The following TEX9 variants were observed in gnomAD, a reference collection of about 807,000 sequenced individuals.
The protein encoded by TEX9 is testis expressed 9.
A neutral mutation model predicts 59.6 loss-of-function variants in TEX9; 74 were observed. The ratio of observed to expected loss-of-function variants is 1.24; its 90% CI spans 1.03 to 1.51. The LOEUF is 1.51. TEX9 is among the 40% of genes most tolerant of loss of function. The pLI, the probability that TEX9 is intolerant of heterozygous loss-of-function variation, is 0.00. For synonymous variants in TEX9, 186 were observed against 152.2 expected (o/e 1.22, Z -1.64); for missense variants, 522 against 447.8 (o/e 1.17, Z -1.49).
At chr15:56,436,831 G>A (rs113709429) in intron 12 of TEX9, among the ~76,000 whole-genome samples, 4 of 152,190 alleles carry the variant, frequency 2.6e-5, no homozygotes, top group East Asian at 1.9e-4. Flanking sequence ...ACACCTCTAC[G>A]CAAATAAACT....
chr15:56,264,168 A>G (rs1367544579), intron 1 of TEX9, among the ~76,000 whole-genome samples: 1 of 152,224 alleles, frequency 6.6e-6, no homozygotes, highest in Non-Finnish European at 1.5e-5. Context: ...CATTTCCAAA[A>G]TAGTCGCACC....
At position 56,365,608 on chromosome 15, in the gene TEX9, G is replaced by A. The variant is rs763030556; in HGVS notation, c.57G>A (p.Pro19=). The A allele has an allele frequency of 6.8e-6, 11 of 1,614,060 alleles. No homozygotes were observed. In the African/African-American group the frequency reaches 1.2e-4, roughly 18 times the overall value. ...GCAGCGTTCCAGGGACTCCGTTCCC[G>A]CCACCCGTTCAGCAACCCTCTACAC... The change falls in exon 2 of 13, where the codon CCG becomes CCA. Residue 19 remains proline, a synonymous_variant. Transcript: ENST00000352903.
intron 1 of TEX9, among the ~76,000 whole-genome samples, chr15:56,273,704 A>G (rs1359639325): frequency 6.6e-6 from 1 of 152,256 alleles, no homozygotes; most frequent in Non-Finnish European, 1.5e-5. Context: ...GTTCTGCAAC[A>G]TATAAAATTC....
At chr15:56,316,926 G>A (rs866441789) in intron 1 of TEX9, among the ~76,000 whole-genome samples, 149 of 152,256 alleles carry the variant, frequency 9.8e-4, no homozygotes, top group Middle Eastern at 6.8e-3. Flanking sequence ...GGTGCCGTCC[G>A]TCACCCCTTT....
chr15:56,280,466 C>T (rs1318976934), intron 1 of TEX9, among the ~76,000 whole-genome samples: 2 of 152,068 alleles, frequency 1.3e-5, no homozygotes, highest in African/African-American at 2.4e-5. Flanking sequence ...TACCCGAAGG[C>T]AAAGATTGGA....
intron 12 of TEX9, chr15:56,429,548 G>A (rs1241759948): frequency 3.8e-5 from 6 of 158,158 alleles, no homozygotes; most frequent in South Asian, 1.9e-4. Context: ...TGATATAATG[G>A]TGAGCTTCAG....
intron 12 of TEX9, among the ~76,000 whole-genome samples, chr15:56,443,177 A>T (rs1360085810): frequency 1.3e-5 from 2 of 152,150 alleles, no homozygotes; most frequent in African/African-American, 4.8e-5. Flanking sequence ...CTTTTAAAGT[A>T]TGTATCTTCA....
At chr15:56,392,374 C>T (rs1340357180) in intron 7 of TEX9, among the ~76,000 whole-genome samples, 7 of 151,970 alleles carry the variant, frequency 4.6e-5, no homozygotes, top group African/African-American at 7.2e-5. Flanking sequence ...GGTGGGATCA[C>T]GAACAAGAGA....
intron 1 of TEX9, among the ~76,000 whole-genome samples, chr15:56,272,099 G>A (rs1432699354): frequency 2.6e-5 from 4 of 151,764 alleles, no homozygotes; most frequent in East Asian, 1.9e-4. Context: ...AGCTGAGATC[G>A]CGCCACTGCA....
intron 2 of TEX9, among the ~76,000 whole-genome samples, chr15:56,370,541 T>C (rs1334566881): frequency 2.0e-5 from 3 of 152,232 alleles, no homozygotes; most frequent in East Asian, 1.9e-4. Context: ...GGCCAGCTTT[T>C]CCTTCTCAGC....
At chr15:56,413,878 G>T (rs1053573576) in intron 10 of TEX9, among the ~76,000 whole-genome samples, 2 of 151,668 alleles carry the variant, frequency 1.3e-5, no homozygotes, top group South Asian at 2.1e-4. Flanking sequence ...ATGTGCCGTA[G>T]TGATTACAGA....
intron 1 of TEX9, among the ~76,000 whole-genome samples, chr15:56,286,624 G>A (rs2044959865): frequency 6.6e-6 from 1 of 152,114 alleles, no homozygotes; most frequent in Non-Finnish European, 1.5e-5. Flanking sequence ...TTCTTACCCT[G>A]GCACTGTGTA....
At chr15:56,257,718 A>T (rs1461128218) in intron 1 of TEX9, among the ~76,000 whole-genome samples, 1 of 151,898 alleles carries the variant, frequency 6.6e-6, no homozygotes, top group Non-Finnish European at 1.5e-5. Flanking sequence ...AGAATGCAAA[A>T]TTTTCTCCCA....
chr15:56,437,989 T>A (rs2050757146), intron 12 of TEX9, among the ~76,000 whole-genome samples: 1 of 152,168 alleles, frequency 6.6e-6, no homozygotes, highest in Non-Finnish European at 1.5e-5. Context: ...TGGAAGAACA[T>A]TCCATGCTCA....
At chr15:56,296,216 T>C (rs1352576149) in intron 1 of TEX9, among the ~76,000 whole-genome samples, 1 of 152,198 alleles carries the variant, frequency 6.6e-6, no homozygotes, top group East Asian at 1.9e-4. Flanking sequence ...TAAATTACAT[T>C]CCATATAATA....
chr15:56,418,790 G>A (rs1050638260), intron 10 of TEX9, among the ~76,000 whole-genome samples: 2 of 151,932 alleles, frequency 1.3e-5, no homozygotes, highest in African/African-American at 2.4e-5. Flanking sequence ...AAGCTAAGGT[G>A]CAACTGCAAT....
At chr15:56,450,104 G>A (rs80312078), downstream of TEX9, among the ~76,000 whole-genome samples, 4,194 of 152,164 alleles carry the variant, frequency 0.028, 197 homozygotes, top group African/African-American at 0.095. Flanking sequence ...CATTCCAGAA[G>A]AGAATTTGCA....
At chr15:56,381,752 G>A (rs2047735504) in intron 3 of TEX9, among the ~76,000 whole-genome samples, 1 of 152,198 alleles carries the variant, frequency 6.6e-6, no homozygotes, top group Admixed American at 6.5e-5. Context: ...TAGGGGTGTG[G>A]TGATGCAAGC....
At chr15:56,334,735 A>G (rs1331942068) in intron 1 of TEX9, among the ~76,000 whole-genome samples, 1 of 152,162 alleles carries the variant, frequency 6.6e-6, no homozygotes, top group African/African-American at 2.4e-5. Flanking sequence ...ATGGGAGAAA[A>G]TATTTGCCAA....
Sources: gnomAD v4.1 joint callset for allele counts (sites outside exome capture counted in the v4.1 genomes callset) on GRCh38, gnomAD v4.1.1 for gene constraint, MANE v1.5 for transcripts, NCBI Gene and HGNC (gene_info 2026-07-23, HGNC 2026-07-21) for gene names.